PRX: variants seen among roughly 807,000 people sequenced by gnomAD.
PRX encodes periaxin.
PRX carries 24 observed loss-of-function variants against 29.6 expected under a neutral mutation model. The observed-to-expected ratio is 0.81, with a 90% CI of 0.59 to 1.14. The LOEUF (loss-of-function observed/expected upper bound fraction) is 1.14, where lower values mean the gene tolerates loss of function less well. Ranked by LOEUF, PRX falls within the 50% of genes most tolerant of loss-of-function variation. PRX has a pLI of 0.00. For missense variants in PRX, 1,838 were observed against 1,926.4 expected (o/e 0.95, Z 0.86); for synonymous variants, 772 against 831.7 (o/e 0.93, Z 1.24).
chr19:40,405,282 A>G (rs562310428), intron 4 of PRX, among the ~76,000 whole-genome samples: 53 of 152,314 alleles, frequency 3.5e-4, no homozygotes, highest in African/African-American at 1.3e-3. Flanking sequence ...TAGGAATCCA[A>G]TCTGCTGTGT....
At chr19:40,400,060 G>C (rs2079483291) in intron 5 of PRX, among the ~76,000 whole-genome samples, 1 of 151,180 alleles carries the variant, frequency 6.6e-6, no homozygotes, top group Non-Finnish European at 1.5e-5. Context: ...TTGGCTCACT[G>C]CAACCTCTGC....
rs553807203 is a variant in PRX, at chr19:40,405,932, C to T, written c.27+1974G>A. 9.2e-5 allele frequency among the ~76,000 whole-genome samples: 14 copies of T among 151,590 alleles called. No individual in the cohort carries two copies. The East Asian group carries it at 2.2e-3, about 23-fold the overall frequency. Reference sequence around the variant, plus strand: ...GATGACAGGCATGAGCCACCGCGCCCGGCCTCTTTTTTTTTTTTAAGAGTC... The same window carrying T: ...GATGACAGGCATGAGCCACCGCGCCTGGCCTCTTTTTTTTTTTTAAGAGTC... On this transcript the variant is annotated intron_variant, in intron 4 of 6. Coordinates refer to ENST00000324001, the MANE Select transcript of PRX (RefSeq NM_181882.3).
upstream of PRX, among the ~76,000 whole-genome samples, chr19:40,414,229 C>T (rs1367717169): frequency 6.6e-6 from 1 of 152,120 alleles, no homozygotes; most frequent in Non-Finnish European, 1.5e-5. Context: ...CTCAAGCAAT[C>T]CTCCCGACTG....
chr19:40,414,009 C>A (rs1025635824), upstream of PRX, among the ~76,000 whole-genome samples: 4 of 152,222 alleles, frequency 2.6e-5, no homozygotes, highest in African/African-American at 9.6e-5. Flanking sequence ...AGGGGACCCC[C>A]AGTTCTCTGT....
At chr19:40,409,753 T>C (rs1027555449) in intron 1 of PRX, among the ~76,000 whole-genome samples, 5 of 152,158 alleles carry the variant, frequency 3.3e-5, no homozygotes, top group Admixed American at 6.5e-5. Flanking sequence ...ATTACAGGCA[T>C]GAGCCACTGC....
At chr19:40,404,423 C>CTGGGGGGGGGG (rs2079518439) in intron 4 of PRX, among the ~76,000 whole-genome samples, 1 of 8,246 alleles carries the variant, frequency 1.2e-4, no homozygotes, top group Non-Finnish European at 2.5e-4. Context: ...GAGGGCGGGG[C>CTGGGGGGGGGG]TGGGGGGGGT....
In PRX at chr19:40,397,585, G is replaced by C. The variant is rs1286128632; in HGVS notation, c.767C>G (p.Ala256Gly). The change falls in exon 7 of 7, where the codon GCT becomes GGT. Residue 256 changes from alanine to glycine, a missense_variant. Ala to Gly is a moderately conservative substitution (Grantham distance 60). This residue lies in a region of PRX where 666 missense variants were observed against 665.0 expected (regional missense o/e 1.00). Transcript: ENST00000324001. The part of the protein sequence containing the change: ...VGVPQVSAPK[A>G]APSAEAAGGF... ...ACCAGCTGCCTCTGCTGAGGGGGCA[G>C]CCTTGGGGGCTGAGACCTGGGGGAC... is the stretch of plus-strand genomic sequence containing the variant. 4 of 1,542,586 alleles carry C rather than the reference G, an allele frequency of 2.6e-6. No individual in the cohort carries two copies. The highest frequency in any genetic ancestry group is 1.7e-6 in the Non-Finnish European group (2 of 1,148,314).
At chr19:40,413,810 A>T (rs1319949307), upstream of PRX, among the ~76,000 whole-genome samples, 1 of 152,196 alleles carries the variant, frequency 6.6e-6, no homozygotes. Flanking sequence ...CTCTTTGCGG[A>T]TAGTAAGAGT....
At position 40,397,754 on chromosome 19, in the gene PRX, C is replaced by T. The variant is rs767207935; in HGVS notation, c.598G>A (p.Glu200Lys). The T allele has an allele frequency of 9.6e-6, 15 of 1,564,928 alleles. No individual in the cohort carries two copies. Among genetic ancestry groups the T allele is most frequent in the East Asian group, 2.3e-5 (1 of 43,050 alleles). The change falls in exon 7 of 7, where the codon GAA becomes AAA. Residue 200 changes from glutamate (E) to lysine (K), a missense_variant. By Grantham distance (56) the Glu-to-Lys change is moderately conservative (BLOSUM62 1). Around this residue, in one of 3 missense-constraint regions of PRX, gnomAD observed 666 missense variants for 665.0 expected, o/e 1.00. Transcript: ENST00000324001. ...LPRLRVREVA[E>K]EAQAARLAAA... is the part of the protein sequence containing the mutation. ...GCCAGCCGGGCTGCCTGAGCCTCTTCGGCCACTTCTCGTACACGCAGCCGA... is the reference window on the plus strand; with the variant it reads ...GCCAGCCGGGCTGCCTGAGCCTCTTTGGCCACTTCTCGTACACGCAGCCGA...
At position 40,398,742 on chromosome 19, in the gene PRX, C is replaced by T. The variant is rs1274747511; in HGVS notation, c.259G>A (p.Ala87Thr). Reference sequence around the variant, plus strand: ...CAGAAGGAGACTTTGTAAGGCTCGGCGCATTGCAGCAGGCGTAGTGCGTCC... The same window carrying T: ...CAGAAGGAGACTTTGTAAGGCTCGGTGCATTGCAGCAGGCGTAGTGCGTCC... ...YEDALRLLQC[A>T]EPYKVSFCLK... The change falls in exon 6 of 7, where the codon GCC becomes ACC. Residue 87 changes from alanine (A) to threonine (T), a missense_variant. Ala to Thr is a moderately conservative substitution (Grantham distance 58). Coordinates refer to ENST00000324001, the MANE Select transcript of PRX (RefSeq NM_181882.3). This position sits in a 1 kb window ranked among gnomAD's most constrained non-coding sequence, Gnocchi z 6.3. 3.1e-6 allele frequency: 5 copies of T among 1,614,058 alleles called. No homozygotes were observed. The highest frequency in any genetic ancestry group is 4.2e-6 in the Non-Finnish European group (5 of 1,179,966).
intron 5 of PRX, among the ~76,000 whole-genome samples, chr19:40,403,076 A>T (rs960854927): frequency 2.0e-5 from 3 of 152,132 alleles, no homozygotes; most frequent in East Asian, 1.9e-4. Flanking sequence ...AGGCTGAGGC[A>T]GGAGAATCGC....
In PRX at chr19:40,394,631, C is replaced by A. The variant is rs1599650507; in HGVS notation, c.3721G>T (p.Gly1241Cys). ...AQAGEAATGE[G>C]GLRLKLPTLG... ...GTGGGCAACTTCAGCCTCAGCCCAC[C>A]CTCGCCTGTGGCCGCCTCGCCCGCC... is the stretch of plus-strand genomic sequence containing the variant. Residue 1241 changes from glycine to cysteine, a missense_variant, in exon 7 of 7, where the codon GGT (glycine) becomes TGT (cysteine). Transcript: ENST00000324001. The surrounding 1 kb of genome is among the most constrained non-coding windows in gnomAD (Gnocchi z 5.8). 1.2e-6 allele frequency: 2 copies of A among 1,607,662 alleles called. No individual in the cohort carries two copies. The highest frequency in any genetic ancestry group is 1.7e-5 in the Admixed American group (1 of 59,994).
intron 5 of PRX, among the ~76,000 whole-genome samples, chr19:40,402,336 A>G (rs1051986830): frequency 2.0e-5 from 3 of 151,940 alleles, no homozygotes; most frequent in Admixed American, 2.0e-4. Context: ...CCTGGGAGAC[A>G]GAGCAAGACT....
At position 40,396,137 on chromosome 19, in the gene PRX, C is replaced by T. The variant is rs779294844; in HGVS notation, c.2215G>A (p.Asp739Asn). The T allele has an allele frequency of 1.3e-5, 21 of 1,613,714 alleles. 1 individual carries two copies. Among genetic ancestry groups the T allele is most frequent in the East Asian group, 2.2e-5 (1 of 44,870 alleles). ...LPKVPEMAVP[D>N]VHLPEVQLPK... ...AGCTGCACCTCGGGGAGGTGCACAT[C>T]GGGCACAGCCATCTCAGGCACCTTG... Residue 739 changes from aspartate to asparagine, a missense_variant, in exon 7 of 7, where the codon GAT (aspartate) becomes AAT (asparagine). Transcript: ENST00000324001.
intron 1 of PRX, 120 bp downstream of exon 1, chr19:40,413,218 C>T (rs1310431431): frequency 6.5e-6 from 1 of 152,836 alleles, no homozygotes; most frequent in Non-Finnish European, 1.5e-5. Flanking sequence ...ACCTTTAACA[C>T]CTACACCACA....
Position 40,398,320 on chromosome 19 carries a change from C to T in PRX, c.381+300G>A. ...CCACTCAGCAGTAATTGGGCCAGCA[C>T]TCAGGCTGGAATCTGGCTTTCCTGG... On this transcript the variant is annotated intron_variant, in intron 6 of 6. Transcript: ENST00000324001. This position sits in a 1 kb window ranked among gnomAD's most constrained non-coding sequence, Gnocchi z 6.3. 2 of 1,425,834 alleles carry T rather than the reference C, an allele frequency of 1.4e-6. No homozygotes were observed. Among genetic ancestry groups the T allele is most frequent in the South Asian group, 1.5e-5 (1 of 64,790 alleles). The allele number at this position is 1,425,834 out of a possible 1,614,324, so 88.3% of individuals were successfully genotyped here. A position where few individuals can be genotyped will look rare whatever the true frequency, so the allele number is the denominator to read the frequency against.
rs377089486 is a variant in PRX, at chr19:40,397,186, G to C, written c.1166C>G (p.Pro389Arg). 5 of 1,613,818 alleles carry C rather than the reference G, an allele frequency of 3.1e-6. No individual in the cohort carries two copies. The African/African-American group carries it at 5.3e-5, about 17-fold the overall frequency. ...CCCAAAGGTGGGCATTCGAAGTCTG[G>C]GACCTTTCACCCTGGCCTCAGGGCT... Reference protein sequence around the residue: ...KVSPEARVKGPRLRMPTFGLS... With the variant: ...KVSPEARVKGRRLRMPTFGLS... The change falls in exon 7 of 7, where the codon CCC becomes CGC. Residue 389 changes from proline (P) to arginine (R), a missense_variant. Around this residue, in one of 3 missense-constraint regions of PRX, gnomAD observed 666 missense variants for 665.0 expected, o/e 1.00. Coordinates refer to ENST00000324001, the MANE Select transcript of PRX (RefSeq NM_181882.3).
At chr19:40,406,771 C>CTTTT (rs59493934) in intron 4 of PRX, among the ~76,000 whole-genome samples, 7 of 121,358 alleles carry the variant, frequency 5.8e-5, no homozygotes, top group African/African-American at 1.7e-4. Context: ...ACCTCCATTT[C>CTTTT]TTTTTTTTTT....
intron 1 of PRX, among the ~76,000 whole-genome samples, chr19:40,409,040 C>T (rs999250406): frequency 4.6e-5 from 7 of 151,904 alleles, no homozygotes; most frequent in African/African-American, 7.3e-5. Context: ...TTAGTAGAGA[C>T]GGAGTTTCAC....
Sources: allele counts gnomAD v4.1 joint callset (sites outside exome capture counted in the v4.1 genomes callset), GRCh38; gene constraint gnomAD v4.1.1; regional missense constraint gnomAD v4.1.1; non-coding constraint Gnocchi (gnomAD v3.1); transcripts MANE v1.5; gene names NCBI Gene and HGNC (gene_info 2026-07-23, HGNC 2026-07-21).